ADGRD1: variants seen among roughly 807,000 people sequenced by gnomAD.
The protein encoded by ADGRD1 is adhesion G protein-coupled receptor D1.
In ADGRD1, 77 loss-of-function variants were observed where a neutral mutation model predicts 113.4. The ratio of observed to expected loss-of-function variants is 0.68; its 90% CI spans 0.57 to 0.82. The LOEUF is 0.82. Ranked by LOEUF, ADGRD1 falls within the 40% of genes least tolerant of loss-of-function variation. The pLI is 0.00. For synonymous variants in ADGRD1, 474 were observed against 475.0 expected (o/e 1.00, Z 0.03); for missense variants, 1,036 against 1,139.1 (o/e 0.91, Z 1.30).
At chr12:131,138,043 C>T (rs1048403074) in intron 23 of ADGRD1, 94 bp from the exon 24 acceptor site, 2 of 970,420 alleles carry the variant, frequency 2.1e-6, no homozygotes, top group African/African-American at 1.6e-5. Context: ...CTCCCTCGCA[C>T]ATCTGGTTCC....
chr12:131,025,545 C>CT (rs71095328), intron 13 of ADGRD1: 17,582 of 141,668 alleles, frequency 0.12, 1,234 homozygotes, highest in African/African-American at 0.17. Context: ...GCCTTCTTTT[C>CT]TTTTTTTTTT....
intron 13 of ADGRD1, among the ~76,000 whole-genome samples, chr12:131,020,632 G>C (rs1360212453): frequency 6.6e-6 from 1 of 152,240 alleles, no homozygotes; most frequent in African/African-American, 2.4e-5. Context: ...AGCTGTGGAT[G>C]CCCTCACATG....
intron 15 of ADGRD1, among the ~76,000 whole-genome samples, chr12:131,094,006 C>T (rs935469913): frequency 6.6e-6 from 1 of 150,784 alleles, no homozygotes; most frequent in African/African-American, 2.4e-5. Flanking sequence ...GCCCTGAGCA[C>T]CCAGCCTCAG....
intron 13 of ADGRD1, among the ~76,000 whole-genome samples, chr12:131,055,625 C>T (rs1033276911): frequency 2.0e-5 from 3 of 152,128 alleles, no homozygotes; most frequent in African/African-American, 7.2e-5. Flanking sequence ...AGTTCTTGTG[C>T]GTTTGTGTGC....
chr12:131,100,868 T>C (rs1950053689), intron 15 of ADGRD1, among the ~76,000 whole-genome samples: 1 of 152,244 alleles, frequency 6.6e-6, no homozygotes, highest in African/African-American at 2.4e-5. Flanking sequence ...AGCTTTATTT[T>C]CTCAATTTAA....
intron 21 of ADGRD1, among the ~76,000 whole-genome samples, chr12:131,134,005 T>C (rs1034787457): frequency 6.6e-6 from 1 of 152,204 alleles, no homozygotes; most frequent in African/African-American, 2.4e-5. Context: ...AAGTGGAGAA[T>C]AGAATAAGTG....
At chr12:130,960,794 C>A (rs1214754491) in intron 2 of ADGRD1, among the ~76,000 whole-genome samples, 1 of 151,962 alleles carries the variant, frequency 6.6e-6, no homozygotes, top group East Asian at 1.9e-4. Context: ...ACAAAAAAAT[C>A]CCAAACAATA....
At chr12:131,054,036 C>A (rs1238232694) in intron 13 of ADGRD1, among the ~76,000 whole-genome samples, 1 of 152,194 alleles carries the variant, frequency 6.6e-6, no homozygotes, top group Non-Finnish European at 1.5e-5. Context: ...GTTTTAACCC[C>A]TCACCACAAG....
At chr12:131,030,514 A>G (rs1880581551) in intron 13 of ADGRD1, 1 of 152,538 alleles carries the variant, frequency 6.6e-6, no homozygotes, top group East Asian at 1.9e-4. Flanking sequence ...TTCTGTATCC[A>G]GTTGTCTCTG....
chr12:131,030,431 CA>C (rs1287631212), intron 13 of ADGRD1: 2 of 152,734 alleles, frequency 1.3e-5, no homozygotes, highest in Non-Finnish European at 2.9e-5. Context: ...AGCTAGATCT[CA>C]GAATGCATCC....
chr12:131,129,565 A>G (rs959848551), intron 20 of ADGRD1, among the ~76,000 whole-genome samples: 8 of 152,034 alleles, frequency 5.3e-5, no homozygotes, highest in African/African-American at 1.9e-4. Context: ...ATCTTGTTAC[A>G]GATGAGGCCC....
intron 14 of ADGRD1, among the ~76,000 whole-genome samples, chr12:131,083,309 A>T (rs867507670): frequency 4.0e-5 from 6 of 151,758 alleles, no homozygotes; most frequent in Non-Finnish European, 4.4e-5. Flanking sequence ...TTTTAATTTG[A>T]AAATATAGAA....
intron 12 of ADGRD1, among the ~76,000 whole-genome samples, chr12:131,006,956 A>G (rs1401384418): frequency 6.6e-6 from 1 of 152,178 alleles, no homozygotes; most frequent in Non-Finnish European, 1.5e-5. Flanking sequence ...ATTTGGGGAG[A>G]TCTTTCCAAG....
At chr12:131,038,434 A>G (rs993121437) in intron 13 of ADGRD1, among the ~76,000 whole-genome samples, 2 of 151,746 alleles carry the variant, frequency 1.3e-5, no homozygotes, top group African/African-American at 4.8e-5. Flanking sequence ...CAGAGCCGAC[A>G]CTCCTCCCAC....
chr12:130,996,329 C>T lies in ADGRD1; in HGVS notation c.966+3937C>T, dbSNP rs1334553095. On this transcript the variant is annotated intron_variant, in intron 8 of 24. Coordinates refer to ENST00000261654, the MANE Select transcript of ADGRD1 (RefSeq NM_198827.5). ...ACGGGGTGGTGGCCGGGCAGAGGGGCTCCTCACTTCCCAGTAGGGGCGGCC... is the reference window on the plus strand; with the variant it reads ...ACGGGGTGGTGGCCGGGCAGAGGGGTTCCTCACTTCCCAGTAGGGGCGGCC... Among the ~76,000 whole-genome samples the T allele has an allele frequency of 1.8e-3, 240 of 134,910 alleles. 1 individual carries two copies. Among genetic ancestry groups the T allele is most frequent in the African/African-American group, 6.4e-3 (233 of 36,640 alleles). The allele number at this position is 134,910 out of a possible 152,430, so 88.5% of individuals were successfully genotyped here.
intron 13 of ADGRD1, among the ~76,000 whole-genome samples, chr12:131,042,980 G>A (rs1196974167): frequency 1.3e-5 from 2 of 152,220 alleles, no homozygotes; most frequent in East Asian, 1.9e-4. Context: ...GGCCCTCCCC[G>A]CCCTGCGGCC....
chr12:131,138,455 C>T (rs1265837286), intron 24 of ADGRD1, among the ~76,000 whole-genome samples: 1 of 152,204 alleles, frequency 6.6e-6, no homozygotes, highest in Non-Finnish European at 1.5e-5. Context: ...CCCGAAGAGT[C>T]AGGGCTTCTT....
chr12:130,992,669 G>T (rs12812845), intron 8 of ADGRD1, among the ~76,000 whole-genome samples: 11,573 of 152,286 alleles, frequency 0.076, 576 homozygotes, highest in Middle Eastern at 0.12. Context: ...TGGCCCCCGC[G>T]GGCGTGTGGT....
At chr12:131,033,069 G>A (rs1355488809) in intron 13 of ADGRD1, among the ~76,000 whole-genome samples, 3 of 152,336 alleles carry the variant, frequency 2.0e-5, no homozygotes, top group African/African-American at 2.4e-5. Context: ...AATGGCGCGC[G>A]ACGAGCCCCG....
Sources: allele counts gnomAD v4.1 joint callset (sites outside exome capture counted in the v4.1 genomes callset), GRCh38; gene constraint gnomAD v4.1.1; transcripts MANE v1.5; gene names NCBI Gene and HGNC (gene_info 2026-07-23, HGNC 2026-07-21).